The following ELL variants were observed in gnomAD, a reference collection of about 807,000 sequenced individuals.
ELL encodes elongation factor for RNA polymerase II.
In ELL, 18 loss-of-function variants were observed where a neutral mutation model predicts 64.0. That is an observed-to-expected ratio of 0.28 (90% CI 0.19 to 0.42). ELL has a LOEUF of 0.42. Ranked by LOEUF, ELL falls within the 10% of genes least tolerant of loss-of-function variation. The probability of loss-of-function intolerance (pLI) is 1.00; values close to 1 mark genes in which losing one functional copy is unlikely to be tolerated. For synonymous variants in ELL, 399 were observed against 376.2 expected, an observed-to-expected ratio of 1.06 and a Z score of -0.70; for missense variants, 797 against 870.4, an observed-to-expected ratio of 0.92 and a Z score of 1.06.
At chr19:18,493,295 G>C (rs758676178) in intron 1 of ELL, among the ~76,000 whole-genome samples, 3 of 152,194 alleles carry the variant, frequency 2.0e-5, no homozygotes, top group Non-Finnish European at 2.9e-5. Context: ...CCAGGCCAGG[G>C]GGAAGCTGTG....
At chr19:18,445,884 C>T (rs1440570405) in intron 10 of ELL, among the ~76,000 whole-genome samples, 1 of 152,090 alleles carries the variant, frequency 6.6e-6, no homozygotes, top group Non-Finnish European at 1.5e-5. Flanking sequence ...GTCACCTCCC[C>T]CTGCTATAGT....
intron 1 of ELL, among the ~76,000 whole-genome samples, chr19:18,496,286 G>A (rs897028104): frequency 6.6e-6 from 1 of 152,256 alleles, no homozygotes; most frequent in Admixed American, 6.5e-5. Context: ...CCAAGAGGTG[G>A]CCGGGCCACT....
rs768071123 is a variant in ELL at position 18,465,489 on chromosome 19, C to T, written c.392G>A (p.Arg131Gln). The T allele has an allele frequency of 3.1e-6, 5 of 1,613,068 alleles. No individual in the cohort carries two copies. Among genetic ancestry groups the T allele is most frequent in the Non-Finnish European group, 2.5e-6 (3 of 1,179,300 alleles). Residue 131 changes from arginine to glutamine, a missense_variant, in exon 4 of 12, where the codon CGG becomes CAG. By Grantham distance (43) the Arg-to-Gln change is conservative. Coordinates refer to ENST00000262809, the MANE Select transcript of ELL (RefSeq NM_006532.4). ...CTCCTCCGCCTGGGCCATGCTCTGC[C>T]GCGCCTTCTGGTAGGAGTCGTCGGT... ...CATDDSYQKA[R>Q]QSMAQAEEET...
intron 8 of ELL, chr19:18,448,325 A>C (rs1293392891): frequency 6.6e-6 from 1 of 152,148 alleles, no homozygotes; most frequent in Non-Finnish European, 1.5e-5. Context: ...CTCTCAGTGT[A>C]ACACACCTGG....
chr19:18,521,487 A>T (rs1173621855), intron 1 of ELL, among the ~76,000 whole-genome samples: 1 of 151,822 alleles, frequency 6.6e-6, no homozygotes, highest in African/African-American at 2.4e-5. Context: ...CACCCCCACC[A>T]ACGGCGCTGC....
At chr19:18,516,510 A>G (rs933697562) in intron 1 of ELL, among the ~76,000 whole-genome samples, 2 of 152,104 alleles carry the variant, frequency 1.3e-5, no homozygotes, top group African/African-American at 4.8e-5. Context: ...CTGCCACTAG[A>G]ATGTCAGCTC....
In ELL at chr19:18,515,146, C is replaced by T. The variant is rs10421582; in HGVS notation, c.135+6775G>A. Among the ~76,000 whole-genome samples the T allele has an allele frequency of 1.3e-3, 192 of 152,350 alleles. 1 individual carries two copies. The highest frequency in any genetic ancestry group is 4.4e-3 in the African/African-American group (182 of 41,582). ...GAAAGCACAGTCAAGGGTCACGATG[C>T]CGAGTGCAGAGCTCAGTCCCTCACA... On this transcript the variant is annotated intron_variant, in intron 1 of 11. Coordinates refer to ENST00000262809, the MANE Select transcript of ELL (RefSeq NM_006532.4).
At chr19:18,520,759 C>G (rs1370978875) in intron 1 of ELL, among the ~76,000 whole-genome samples, 2 of 148,282 alleles carry the variant, frequency 1.3e-5, no homozygotes, top group Non-Finnish European at 3.0e-5. Flanking sequence ...CACACACACG[C>G]AGGGAGCAGG....
At chr19:18,484,215 G>A (rs1287585292) in intron 1 of ELL, among the ~76,000 whole-genome samples, 3 of 152,212 alleles carry the variant, frequency 2.0e-5, no homozygotes, top group African/African-American at 7.2e-5. Flanking sequence ...TGTAATCCCA[G>A]CACTTTGGGA....
chr19:18,451,185 G>A (rs1296381813), intron 7 of ELL, among the ~76,000 whole-genome samples: 1 of 152,228 alleles, frequency 6.6e-6, no homozygotes, highest in Non-Finnish European at 1.5e-5. Flanking sequence ...GCAGGGGGAG[G>A]GCAGGGCCCA....
intron 1 of ELL, among the ~76,000 whole-genome samples, chr19:18,520,636 T>C (rs962116628): frequency 1.3e-5 from 2 of 152,030 alleles, no homozygotes; most frequent in East Asian, 1.9e-4. Flanking sequence ...GCTTAGCTAA[T>C]GGAGCTGAAC....
intron 1 of ELL, among the ~76,000 whole-genome samples, chr19:18,510,023 C>T (rs915748389): frequency 6.6e-6 from 1 of 152,258 alleles, no homozygotes; most frequent in Admixed American, 6.5e-5. Context: ...GAGGCTCAAC[C>T]ACCCTGGCCA....
intron 6 of ELL, among the ~76,000 whole-genome samples, chr19:18,457,049 C>T (rs1348638679): frequency 1.3e-5 from 2 of 152,092 alleles, no homozygotes; most frequent in African/African-American, 4.8e-5. Flanking sequence ...CTGCCCCCTG[C>T]ACGCTAGTGG....
chr19:18,510,941 G>C (rs968013031), intron 1 of ELL, among the ~76,000 whole-genome samples: 3 of 152,134 alleles, frequency 2.0e-5, no homozygotes, highest in South Asian at 2.1e-4. Context: ...GGCCAACATG[G>C]TGAAACCCCG....
intron 1 of ELL, among the ~76,000 whole-genome samples, chr19:18,520,243 C>T (rs1976233710): frequency 1.3e-5 from 2 of 152,162 alleles, no homozygotes; most frequent in African/African-American, 2.4e-5. Flanking sequence ...CCAAGTCCAT[C>T]GTAGTTATAT....
Position 18,444,784 on chromosome 19 carries a change from A to C in ELL, c.1834T>G (p.Tyr612Asp). Reference protein sequence around the residue: ...LAHIKRLIAEYDQRQLQAWP With the variant: ...LAHIKRLIAEDDQRQLQAWP ...CAAGCCTGCAGCTGCCGCTGGTCGT[A>C]CTCGGCGATGAGCCTCTTGATGTGG... Residue 612 changes from tyrosine (Y) to aspartate (D), a missense_variant, in exon 12 of 12, where the codon TAC becomes GAC. Physicochemically the swap from Tyr to Asp is radical, Grantham distance 160. Transcript: ENST00000262809. 1 of 1,608,916 alleles carries C rather than the reference A, an allele frequency of 6.2e-7. No individual in the cohort carries two copies. The highest frequency in any genetic ancestry group is 8.5e-7 in the Non-Finnish European group (1 of 1,179,608).
At chr19:18,516,218 A>G (rs986434070) in intron 1 of ELL, among the ~76,000 whole-genome samples, 5 of 152,124 alleles carry the variant, frequency 3.3e-5, no homozygotes, top group African/African-American at 9.7e-5. Flanking sequence ...AGCAGCAGAC[A>G]GTAGCCCCCA....
chr19:18,518,152 C>T (rs1273218972), intron 1 of ELL, among the ~76,000 whole-genome samples: 2 of 151,010 alleles, frequency 1.3e-5, no homozygotes, highest in Non-Finnish European at 2.9e-5. Context: ...AACACCATTA[C>T]ACTCCAGCCT....
At chr19:18,478,238 T>C (rs1975220329) in intron 1 of ELL, among the ~76,000 whole-genome samples, 1 of 152,212 alleles carries the variant, frequency 6.6e-6, no homozygotes, top group Non-Finnish European at 1.5e-5. Context: ...AGCGCCTCGT[T>C]ACCTCATCTA....
Sources: gnomAD v4.1 joint callset for allele counts (sites outside exome capture counted in the v4.1 genomes callset) on GRCh38, gnomAD v4.1.1 for gene constraint, MANE v1.5 for transcripts, NCBI Gene and HGNC (gene_info 2026-07-23, HGNC 2026-07-21) for gene names.